Variants in ZZZ3 observed in about 807,000 individuals in gnomAD.
ZZZ3 encodes the protein ZZ-type zinc finger-containing protein 3.
In ZZZ3, 22 loss-of-function variants were observed where a neutral mutation model predicts 95.2. The observed-to-expected ratio is 0.23, with a 90% CI of 0.17 to 0.33. ZZZ3 has a LOEUF of 0.33. ZZZ3 is among the 10% of genes least tolerant of loss of function. The probability of loss-of-function intolerance (pLI) is 1.00; values close to 1 mark genes in which losing one functional copy is unlikely to be tolerated. For missense variants in ZZZ3, 885 were observed against 1,066.5 expected (o/e 0.83, Z 2.37); for synonymous variants, 335 against 358.9 (o/e 0.93, Z 0.75).
intron 5 of ZZZ3, among the ~76,000 whole-genome samples, chr1:77,622,136 C>CA (rs58597820): frequency 0.032 from 2,631 of 81,726 alleles, 67 homozygotes; most frequent in African/African-American, 0.088. Flanking sequence ...CTTGTCTCCA[C>CA]AAAAAAAAAA....
chr1:77,648,862 G>A (rs986312988), intron 1 of ZZZ3, among the ~76,000 whole-genome samples: 3 of 152,176 alleles, frequency 2.0e-5, no homozygotes, highest in African/African-American at 4.8e-5. Context: ...TAGGCATGGT[G>A]GCTCAGTGCT....
At chr1:77,635,047 T>C (rs1019927164) in intron 4 of ZZZ3, among the ~76,000 whole-genome samples, 3 of 152,112 alleles carry the variant, frequency 2.0e-5, no homozygotes, top group African/African-American at 7.2e-5. Flanking sequence ...CTCCTACCCC[T>C]AAAAATCAAA....
intron 4 of ZZZ3, among the ~76,000 whole-genome samples, chr1:77,637,626 G>C (rs1014955278): frequency 6.6e-6 from 1 of 152,158 alleles, no homozygotes; most frequent in Non-Finnish European, 1.5e-5. Context: ...CCAGGAGTTT[G>C]AGAACTGCCT....
At chr1:77,648,770 A>G (rs2100950063) in intron 1 of ZZZ3, among the ~76,000 whole-genome samples, 1 of 152,318 alleles carries the variant, frequency 6.6e-6, no homozygotes, top group East Asian at 1.9e-4. Flanking sequence ...AGAGAAGCAG[A>G]AAAAATACTG....
At chr1:77,658,762 T>C (rs1045154575) in intron 1 of ZZZ3, among the ~76,000 whole-genome samples, 1 of 152,226 alleles carries the variant, frequency 6.6e-6, no homozygotes. Context: ...TATTATACTA[T>C]TTATTATTTA....
At chr1:77,645,573 T>C (rs780898075) in intron 1 of ZZZ3, 1 of 152,190 alleles carries the variant, frequency 6.6e-6, no homozygotes, top group Admixed American at 6.5e-5. Context: ...ACTGCACCTA[T>C]GAACAGCCAC....
intron 1 of ZZZ3, among the ~76,000 whole-genome samples, chr1:77,669,369 C>T (rs1557779953): frequency 6.6e-6 from 1 of 151,830 alleles, no homozygotes; most frequent in Non-Finnish European, 1.5e-5. Flanking sequence ...CTACTGTTCA[C>T]ATCACTTTAA....
intron 5 of ZZZ3, among the ~76,000 whole-genome samples, chr1:77,625,270 T>C (rs1273801571): frequency 1.3e-5 from 2 of 152,144 alleles, no homozygotes; most frequent in Non-Finnish European, 2.9e-5. Flanking sequence ...TCTGGTAACT[T>C]ACATGAAACA....
intron 4 of ZZZ3, among the ~76,000 whole-genome samples, chr1:77,634,394 A>G (rs1178449914): frequency 6.6e-6 from 1 of 152,126 alleles, no homozygotes; most frequent in Non-Finnish European, 1.5e-5. Flanking sequence ...ATTGCAGTAT[A>G]ATTTTTCATA....
Position 77,633,310 on chromosome 1 carries a change from C to T in ZZZ3, c.45G>A (p.Gly15=), listed in dbSNP as rs1031227256. 10 of 1,613,414 alleles carry T rather than the reference C, an allele frequency of 6.2e-6. No individual in the cohort carries two copies. Among genetic ancestry groups the T allele is most frequent in the Non-Finnish European group, 8.5e-6 (10 of 1,179,716 alleles). ...RSTRVTRSTV[G]LNGLDESFCG... Reference sequence around the variant, plus strand: ...AAAAAGATTCATCCAAGCCGTTTAACCCCACTGTTGATCTTGTAACACGAG... The same window carrying T: ...AAAAAGATTCATCCAAGCCGTTTAATCCCACTGTTGATCTTGTAACACGAG... Residue 15 remains glycine, a synonymous_variant, in exon 5 of 15, where the codon GGG becomes GGA. Transcript: ENST00000370801.
intron 10 of ZZZ3, among the ~76,000 whole-genome samples, 157 bp from the exon 11 acceptor site, chr1:77,579,026 T>C (rs1207584432): frequency 6.6e-6 from 1 of 151,788 alleles, no homozygotes. Flanking sequence ...CAAATACACA[T>C]ATATTTTAAA....
intron 12 of ZZZ3, among the ~76,000 whole-genome samples, chr1:77,569,696 T>A (rs912354324): frequency 1.3e-5 from 2 of 152,212 alleles, no homozygotes; most frequent in African/African-American, 4.8e-5. Flanking sequence ...CCTTCAACTA[T>A]AAGTGTTTTA....
intron 5 of ZZZ3, among the ~76,000 whole-genome samples, chr1:77,588,192 C>T (rs74848424): frequency 0.026 from 3,983 of 152,190 alleles, 52 homozygotes; most frequent in Middle Eastern, 0.078. Context: ...TTACTGAATG[C>T]GTACTACATG....
chr1:77,644,440 A>T (rs1669076940), intron 1 of ZZZ3, among the ~76,000 whole-genome samples: 1 of 152,244 alleles, frequency 6.6e-6, no homozygotes, highest in Admixed American at 6.5e-5. Flanking sequence ...TTCATTTGGT[A>T]CAATAATCAA....
intron 1 of ZZZ3, among the ~76,000 whole-genome samples, chr1:77,661,657 G>T (rs909712367): frequency 6.6e-6 from 1 of 152,022 alleles, no homozygotes; most frequent in Non-Finnish European, 1.5e-5. Context: ...AAAGAAAAAG[G>T]CACACCAATC....
At chr1:77,646,166 G>A (rs758153082) in intron 1 of ZZZ3, among the ~76,000 whole-genome samples, 17 of 152,040 alleles carry the variant, frequency 1.1e-4, no homozygotes, top group South Asian at 4.1e-4. Flanking sequence ...ACCAACCTTA[G>A]GCTCTGATTT....
chr1:77,649,443 G>T (rs1023058208), intron 1 of ZZZ3, among the ~76,000 whole-genome samples: 26 of 151,830 alleles, frequency 1.7e-4, no homozygotes, highest in Non-Finnish European at 3.5e-4. Context: ...ACTTAAAATA[G>T]TAAAAAACCT....
chr1:77,619,470 T>G (rs971907637), intron 5 of ZZZ3, among the ~76,000 whole-genome samples: 1 of 152,162 alleles, frequency 6.6e-6, no homozygotes, highest in Non-Finnish European at 1.5e-5. Flanking sequence ...ACATTTTCTT[T>G]CAAGTCCTTC....
chr1:77,619,181 C>A (rs988541138), intron 5 of ZZZ3, among the ~76,000 whole-genome samples: 1 of 152,062 alleles, frequency 6.6e-6, no homozygotes. Context: ...TCTAGTATTA[C>A]AAATACATAA....
Sources: gnomAD v4.1 joint callset for allele counts (sites outside exome capture counted in the v4.1 genomes callset) on GRCh38, gnomAD v4.1.1 for gene constraint, MANE v1.5 for transcripts, NCBI Gene and HGNC (gene_info 2026-07-23, HGNC 2026-07-21) for gene names.